BLTP1: variants seen among roughly 807,000 people sequenced by gnomAD.
BLTP1 encodes the protein fragile site-associated protein.
At chr4:122,238,445 C>T in the BLTP1 span, 4 of 950,756 alleles carry the variant, frequency 4.2e-6, no homozygotes, top group Non-Finnish European at 4.8e-6. Context: ...TCCACTCCCC[C>T]ACTTTAGAAA....
At chr4:122,200,766 G>T in the BLTP1 span, 1 of 916,542 alleles carries the variant, frequency 1.1e-6, no homozygotes, top group Non-Finnish European at 1.3e-6. Context: ...CAACACTGTA[G>T]CCTGATTTGT....
chr4:122,308,822 G>A, the BLTP1 span, among the ~76,000 whole-genome samples: 1 of 152,076 alleles, frequency 6.6e-6, no homozygotes, highest in African/African-American at 2.4e-5. Context: ...GTAACCAGTT[G>A]TTGAATTAAT....
the BLTP1 span, chr4:122,308,062 G>A: frequency 6.2e-7 from 1 of 1,613,456 alleles, no homozygotes; most frequent in African/African-American, 1.3e-5. Context: ...TATGCTACCT[G>A]GTATCCAGCA....
At chr4:122,213,739 A>T in the BLTP1 span, among the ~76,000 whole-genome samples, 2 of 152,306 alleles carry the variant, frequency 1.3e-5, no homozygotes, top group African/African-American at 4.8e-5. Context: ...TTATGAGGAC[A>T]TGTATGGAAA....
chr4:122,213,971 A>G, the BLTP1 span, among the ~76,000 whole-genome samples: 1 of 152,176 alleles, frequency 6.6e-6, no homozygotes, highest in Non-Finnish European at 1.5e-5. Context: ...TGTCAGTGGT[A>G]GCAAATAACT....
the BLTP1 span, among the ~76,000 whole-genome samples, chr4:122,354,342 T>C: frequency 1.3e-5 from 2 of 152,140 alleles, no homozygotes; most frequent in African/African-American, 4.8e-5. Context: ...TGCTAAAAAA[T>C]GGAAGTTTGG....
chr4:122,212,662 A>AC, the BLTP1 span, among the ~76,000 whole-genome samples: 1 of 152,064 alleles, frequency 6.6e-6, no homozygotes, highest in Non-Finnish European at 1.5e-5. Flanking sequence ...AAATAAGAGG[A>AC]CTCTAACAAA....
chr4:122,296,022 C>T, the BLTP1 span, among the ~76,000 whole-genome samples: 1 of 152,152 alleles, frequency 6.6e-6, no homozygotes, highest in African/African-American at 2.4e-5. Flanking sequence ...AAAACTGGCA[C>T]AAGACAAGAA....
At chr4:122,164,387 G>A in the BLTP1 span, 8 of 984,926 alleles carry the variant, frequency 8.1e-6, no homozygotes, top group African/African-American at 1.7e-5. Flanking sequence ...TGAGTGCCCA[G>A]AATAAAAGTG....
the BLTP1 span, among the ~76,000 whole-genome samples, chr4:122,203,531 T>C: frequency 4.6e-5 from 7 of 151,860 alleles, no homozygotes; most frequent in Non-Finnish European, 1.0e-4. Flanking sequence ...CCATAACTTT[T>C]TAATTCATTG....
At chr4:122,175,036 C>T in the BLTP1 span, 2 of 941,972 alleles carry the variant, frequency 2.1e-6, no homozygotes, top group Non-Finnish European at 2.5e-6. Context: ...AATTGTTTAG[C>T]ATTTGTTAGA....
chr4:122,286,783 G>C, the BLTP1 span: 1 of 1,606,418 alleles, frequency 6.2e-7, no homozygotes, highest in South Asian at 1.1e-5. Context: ...TTGTGTGGCA[G>C]AAGTAAGTTT....
the BLTP1 span, chr4:122,305,833 T>A: frequency 1.3e-6 from 2 of 1,489,478 alleles, no homozygotes; most frequent in Non-Finnish European, 1.8e-6. Flanking sequence ...ATATTAAAAC[T>A]TTTTCCATTA....
the BLTP1 span, chr4:122,170,867 G>T: frequency 6.8e-6 from 4 of 585,356 alleles, no homozygotes; most frequent in Non-Finnish European, 1.2e-5. Context: ...TTTTTAGGAA[G>T]GAAGATTGTT....
the BLTP1 span, among the ~76,000 whole-genome samples, chr4:122,302,518 C>T: frequency 1.3e-5 from 2 of 152,090 alleles, no homozygotes; most frequent in Non-Finnish European, 2.9e-5. Flanking sequence ...TGTTTAGGGG[C>T]GCCAGGAGCT....
At chr4:122,325,605 A>G in the BLTP1 span, 3 of 1,128,070 alleles carry the variant, frequency 2.7e-6, no homozygotes, top group Admixed American at 8.5e-5. Flanking sequence ...TTTTCTTTCA[A>G]GTGAGAATCC....
chr4:122,175,807 A>T, the BLTP1 span: 1 of 1,353,466 alleles, frequency 7.4e-7, no homozygotes, highest in Non-Finnish European at 1.1e-6. Flanking sequence ...TGAGTTAAGT[A>T]AATTGTTACT....
chr4:122,211,794 T>G, the BLTP1 span, among the ~76,000 whole-genome samples: 1 of 152,164 alleles, frequency 6.6e-6, no homozygotes, highest in East Asian at 1.9e-4. Context: ...GAGGAGTTCA[T>G]CAGTTTTTTG....
chr4:122,281,178 A>T, the BLTP1 span: 1 of 366,164 alleles, frequency 2.7e-6, no homozygotes, highest in Non-Finnish European at 3.8e-6. Flanking sequence ...TGTCATTCTT[A>T]ACAGTAGTAG....
Sources: allele counts gnomAD v4.1 joint callset (sites outside exome capture counted in the v4.1 genomes callset), GRCh38; gene constraint gnomAD v4.1.1; transcripts MANE v1.5; gene names NCBI Gene and HGNC (gene_info 2026-07-23, HGNC 2026-07-21).